The following GUCY1A2 variants were observed in gnomAD, a reference collection of about 807,000 sequenced individuals.
GUCY1A2 encodes guanylate cyclase soluble subunit alpha-2.
A neutral mutation model predicts 63.5 loss-of-function variants in GUCY1A2; 27 were observed. That is an observed-to-expected ratio of 0.43 (90% confidence interval 0.31 to 0.59). The LOEUF (loss-of-function observed/expected upper bound fraction) is 0.59. GUCY1A2 is among the 20% of genes least tolerant of loss of function. GUCY1A2 has a pLI of 0.11. For synonymous variants in GUCY1A2, 364 were observed against 343.5 expected, an observed-to-expected ratio of 1.06 and a Z score of -0.66; for missense variants, 768 against 913.3, an observed-to-expected ratio of 0.84 and a Z score of 2.05.
At chr11:106,965,376 A>T (rs1318951015) in intron 3 of GUCY1A2, among the ~76,000 whole-genome samples, 1 of 152,240 alleles carries the variant, frequency 6.6e-6, no homozygotes, top group African/African-American at 2.4e-5. Context: ...ATAGTAAAGC[A>T]TATATAATTT....
intron 6 of GUCY1A2, among the ~76,000 whole-genome samples, chr11:106,710,715 T>C (rs1005792868): frequency 1.2e-4 from 18 of 151,878 alleles, no homozygotes; most frequent in Non-Finnish European, 2.4e-4. Flanking sequence ...ATAACAGTAA[T>C]GGGGTTATAC....
chr11:107,013,422 T>C (rs1274054148), intron 1 of GUCY1A2, among the ~76,000 whole-genome samples: 1 of 152,230 alleles, frequency 6.6e-6, no homozygotes, highest in African/African-American at 2.4e-5. Context: ...AGTCGCTAAG[T>C]TCACCCTTGA....
intron 6 of GUCY1A2, among the ~76,000 whole-genome samples, chr11:106,774,044 C>A (rs760975254): frequency 1.3e-5 from 2 of 152,056 alleles, no homozygotes; most frequent in Non-Finnish European, 2.9e-5. Context: ...AGTACAATAC[C>A]AATTTCAATT....
chr11:106,718,696 C>T (rs1038617968), intron 6 of GUCY1A2, among the ~76,000 whole-genome samples: 1 of 151,844 alleles, frequency 6.6e-6, no homozygotes, highest in African/African-American at 2.4e-5. Flanking sequence ...ATTGAATATG[C>T]ATGTACTTAG....
intron 6 of GUCY1A2, among the ~76,000 whole-genome samples, chr11:106,736,850 A>G (rs1006264019): frequency 6.6e-6 from 1 of 152,128 alleles, no homozygotes; most frequent in African/African-American, 2.4e-5. Flanking sequence ...ATTGCCTTTT[A>G]TCTCCAAACG....
chr11:106,749,026 G>C (rs1273632489), intron 6 of GUCY1A2, among the ~76,000 whole-genome samples: 1 of 152,028 alleles, frequency 6.6e-6, no homozygotes, highest in Non-Finnish European at 1.5e-5. Flanking sequence ...AATCCCTTAA[G>C]ATTATAATAC....
chr11:106,793,232 G>A (rs1361903762), intron 5 of GUCY1A2, among the ~76,000 whole-genome samples: 2 of 151,954 alleles, frequency 1.3e-5, no homozygotes, highest in African/African-American at 4.8e-5. Flanking sequence ...CTTTTACAAG[G>A]GCACCAAGAA....
intron 6 of GUCY1A2, among the ~76,000 whole-genome samples, chr11:106,745,275 G>A (rs1178760180): frequency 6.6e-6 from 1 of 151,920 alleles, no homozygotes; most frequent in Non-Finnish European, 1.5e-5. Context: ...AGTGTTCTAG[G>A]GTAATGTGTA....
intron 5 of GUCY1A2, among the ~76,000 whole-genome samples, chr11:106,804,235 C>T (rs888296362): frequency 6.6e-6 from 1 of 152,024 alleles, no homozygotes; most frequent in Non-Finnish European, 1.5e-5. Flanking sequence ...TTGTTTCCAA[C>T]AAAATATCAG....
chr11:106,970,754 T>C (rs574888006), intron 3 of GUCY1A2, among the ~76,000 whole-genome samples: 1 of 152,210 alleles, frequency 6.6e-6, no homozygotes. Context: ...GTAGTCTACA[T>C]AAAAACTTGC....
intron 5 of GUCY1A2, among the ~76,000 whole-genome samples, chr11:106,785,572 T>C (rs1864541517): frequency 6.6e-6 from 1 of 151,890 alleles, no homozygotes; most frequent in Non-Finnish European, 1.5e-5. Flanking sequence ...AGTATCAGGA[T>C]GCCCATAAGA....
chr11:106,896,318 C>T (rs1200681787), intron 4 of GUCY1A2, among the ~76,000 whole-genome samples: 3 of 152,062 alleles, frequency 2.0e-5, no homozygotes, highest in Non-Finnish European at 4.4e-5. Context: ...ACTTCATCAA[C>T]TTAATAAAGA....
intron 4 of GUCY1A2, among the ~76,000 whole-genome samples, chr11:106,836,441 G>A (rs749165390): frequency 4.6e-5 from 7 of 151,820 alleles, no homozygotes; most frequent in Admixed American, 2.0e-4. Context: ...AAGATGAATC[G>A]TCTGTCTGAA....
At chr11:106,688,172 T>C (rs1862561397) in intron 7 of GUCY1A2, among the ~76,000 whole-genome samples, 1 of 152,224 alleles carries the variant, frequency 6.6e-6, no homozygotes, top group South Asian at 2.1e-4. Flanking sequence ...GCACTCCTTT[T>C]ATGTTTGGTA....
intron 6 of GUCY1A2, among the ~76,000 whole-genome samples, chr11:106,741,728 T>G (rs1269810600): frequency 2.0e-5 from 3 of 152,180 alleles, no homozygotes; most frequent in Non-Finnish European, 4.4e-5. Context: ...AGAAAAAAGT[T>G]TACAATGGTG....
chr11:106,739,119 G>A (rs1863643540), intron 6 of GUCY1A2, among the ~76,000 whole-genome samples: 1 of 152,114 alleles, frequency 6.6e-6, no homozygotes, highest in Admixed American at 6.6e-5. Context: ...TCCCTTGTAA[G>A]TTGGATTCCT....
chr11:107,002,593 G>A (rs1223654708), intron 1 of GUCY1A2, among the ~76,000 whole-genome samples: 1 of 152,114 alleles, frequency 6.6e-6, no homozygotes, highest in Non-Finnish European at 1.5e-5. Context: ...GAAGTCTAAA[G>A]CTATTGATAA....
chr11:107,017,646 C>T, intron 1 of GUCY1A2, 107 bp downstream of exon 1: 1 of 546,566 alleles, frequency 1.8e-6, no homozygotes, highest in East Asian at 3.8e-5. Flanking sequence ...GCCGGGCCGC[C>T]CCCCAGCGGT....
chr11:106,783,818 C>G (rs1261484273), intron 5 of GUCY1A2, among the ~76,000 whole-genome samples: 2 of 152,190 alleles, frequency 1.3e-5, no homozygotes, highest in South Asian at 2.1e-4. Context: ...ACCTTGGCCC[C>G]TACGCATGAC....
Sources: gnomAD v4.1 joint callset for allele counts (sites outside exome capture counted in the v4.1 genomes callset) on GRCh38, gnomAD v4.1.1 for gene constraint, MANE v1.5 for transcripts, NCBI Gene and HGNC (gene_info 2026-07-23, HGNC 2026-07-21) for gene names.